Variants in SH3KBP1 observed in about 807,000 individuals in gnomAD.
SH3KBP1 encodes SH3 domain-containing kinase-binding protein 1.
A neutral mutation model predicts 50.1 loss-of-function variants in SH3KBP1; 8 were observed. The observed-to-expected ratio is 0.16, with a 90% CI of 0.09 to 0.29. SH3KBP1 has a LOEUF of 0.29. Among genes scored for constraint, SH3KBP1 ranks in the 10% least tolerant of loss-of-function variants. The probability of loss-of-function intolerance (pLI) is 1.00; values close to 1 mark genes in which losing one functional copy is unlikely to be tolerated. For synonymous variants in SH3KBP1, 227 were observed against 218.6 expected (o/e 1.04, Z -0.34); for missense variants, 377 against 535.2 (o/e 0.70, Z 2.92).
chrX:19,830,264 G>C (rs746210958), intron 2 of SH3KBP1, among the ~76,000 whole-genome samples: 9 of 108,798 alleles, frequency 8.3e-5, no homozygotes, highest in Non-Finnish European at 1.3e-4. Context: ...CTTTTTATAG[G>C]CATGCTGGAA....
chrX:19,780,879 T>C (rs996406522), intron 2 of SH3KBP1, among the ~76,000 whole-genome samples: 58 of 112,291 alleles, frequency 5.2e-4, no homozygotes, highest in Non-Finnish European at 9.2e-4. Flanking sequence ...TATTTACATA[T>C]GCACTTTCTA....
chrX:19,857,500 A>G (rs1392831387), intron 1 of SH3KBP1, among the ~76,000 whole-genome samples: 1 of 110,594 alleles, frequency 9.0e-6, no homozygotes, highest in East Asian at 2.9e-4. Flanking sequence ...AGATGGGTGG[A>G]TCGCTTGAGG....
At chrX:19,574,440 T>C (rs1430144846) in intron 12 of SH3KBP1, among the ~76,000 whole-genome samples, 1 of 112,833 alleles carries the variant, frequency 8.9e-6, no homozygotes, top group African/African-American at 3.2e-5. Context: ...ATATTCTTGA[T>C]ATAGTGTGGA....
chrX:19,731,930 A>T (rs2064391115), intron 3 of SH3KBP1, among the ~76,000 whole-genome samples: 1 of 112,211 alleles, frequency 8.9e-6, no homozygotes, highest in Non-Finnish European at 1.9e-5. Context: ...TTAAGATCAG[A>T]TCACTAAGAT....
chrX:19,813,852 C>A (rs945607573), intron 2 of SH3KBP1, among the ~76,000 whole-genome samples: 3 of 112,195 alleles, frequency 2.7e-5, no homozygotes, highest in African/African-American at 9.7e-5. Context: ...TCTCCAGTGT[C>A]TTGGAGTGGC....
chrX:19,592,865 A>G (rs938581360), intron 10 of SH3KBP1, among the ~76,000 whole-genome samples: 4 of 112,307 alleles, frequency 3.6e-5, no homozygotes, highest in African/African-American at 9.7e-5. Context: ...GGAGCCAGAC[A>G]CGTGAGGGAA....
intron 1 of SH3KBP1, among the ~76,000 whole-genome samples, chrX:19,865,902 G>A (rs984928630): frequency 2.7e-5 from 3 of 111,925 alleles, no homozygotes; most frequent in Admixed American, 1.9e-4. Flanking sequence ...GCCAGATGAC[G>A]GAGGAGTTTC....
chrX:19,648,711 C>G (rs1488218939), intron 6 of SH3KBP1, among the ~76,000 whole-genome samples: 2 of 110,786 alleles, frequency 1.8e-5, no homozygotes, highest in African/African-American at 6.6e-5. Flanking sequence ...CATTTAGCAA[C>G]CCTTGCCACT....
chrX:19,757,296 TG>T (rs2044803443), intron 2 of SH3KBP1, among the ~76,000 whole-genome samples: 1 of 109,735 alleles, frequency 9.1e-6, no homozygotes, highest in Non-Finnish European at 1.9e-5. Context: ...GGCTACAAGA[TG>T]AAAAACTACA....
chrX:19,827,213 T>C (rs2043292394), intron 2 of SH3KBP1, among the ~76,000 whole-genome samples: 3 of 112,237 alleles, frequency 2.7e-5, no homozygotes, highest in South Asian at 7.3e-4. Flanking sequence ...AAGCTGCAAG[T>C]GTACACACTT....
At chrX:19,613,217 A>C (rs193032171) in intron 8 of SH3KBP1, among the ~76,000 whole-genome samples, 32 of 112,439 alleles carry the variant, frequency 2.8e-4, no homozygotes, top group African/African-American at 9.4e-4. Context: ...TGGCCCAAGT[A>C]CTACAATTTG....
At chrX:19,594,914 C>T (rs1260100447) in intron 10 of SH3KBP1, 35 bp downstream of exon 10, 2 of 1,046,292 alleles carry the variant, frequency 1.9e-6, no homozygotes, top group South Asian at 1.9e-5. Flanking sequence ...AAGAAAGACG[C>T]ATATTTTATT....
At chrX:19,553,621 A>G (rs922243662) in intron 13 of SH3KBP1, among the ~76,000 whole-genome samples, 11 of 107,388 alleles carry the variant, frequency 1.0e-4, no homozygotes, top group African/African-American at 3.7e-4. Context: ...TTCGAGGCTG[A>G]AGAAGCATTC....
chrX:19,693,260 G>A (rs982595105), intron 5 of SH3KBP1, among the ~76,000 whole-genome samples: 7 of 111,360 alleles, frequency 6.3e-5, no homozygotes, highest in African/African-American at 2.0e-4. Flanking sequence ...TCTGTATATC[G>A]TCAGTGCCTT....
rs1375700386 is a variant in SH3KBP1, at chrX:19,692,687, ATAT to A, written c.520+2922_520+2924del. Among the ~76,000 whole-genome samples the A allele has an allele frequency of 1.8e-4, 16 of 86,972 alleles. 1 individual carries two copies. Among genetic ancestry groups the A allele is most frequent in the African/African-American group, 7.2e-4 (14 of 19,404 alleles). The allele number at this position is 86,972 out of a possible 115,157, so 75.5% of individuals were successfully genotyped here. ...TGTGTGTGTATGTATATATATATATATATTTTTTTTTTTTTTTAATAGTCTCTT... is the reference window on the plus strand; with the variant it reads ...TGTGTGTGTATGTATATATATATATATTTTTTTTTTTTTTAATAGTCTCTT... On this transcript the variant is annotated intron_variant, in intron 5 of 17. Coordinates refer to ENST00000397821, the MANE Select transcript of SH3KBP1 (RefSeq NM_031892.3).
intron 4 of SH3KBP1, among the ~76,000 whole-genome samples, chrX:19,706,052 C>T (rs1198511554): frequency 2.7e-5 from 3 of 111,572 alleles, no homozygotes; most frequent in African/African-American, 9.8e-5. Flanking sequence ...CTAGCATCAC[C>T]CCTGCCACTT....
chrX:19,831,665 C>A (rs747470152), intron 2 of SH3KBP1, among the ~76,000 whole-genome samples: 1 of 106,988 alleles, frequency 9.3e-6, no homozygotes, highest in African/African-American at 3.4e-5. Flanking sequence ...GTGGCACATG[C>A]CTGTAATCAC....
At chrX:19,798,419 T>C (rs1364557063) in intron 2 of SH3KBP1, among the ~76,000 whole-genome samples, 1 of 110,813 alleles carries the variant, frequency 9.0e-6, no homozygotes, top group Non-Finnish European at 1.9e-5. Context: ...TCTCCCTCCC[T>C]CTGGCTGAAT....
At chrX:19,827,566 C>G (rs1213423634) in intron 2 of SH3KBP1, among the ~76,000 whole-genome samples, 1 of 111,067 alleles carries the variant, frequency 9.0e-6, no homozygotes, top group African/African-American at 3.3e-5. Flanking sequence ...CTGTGGGTCC[C>G]TTCCAGGAGA....
Sources: allele counts gnomAD v4.1 joint callset (sites outside exome capture counted in the v4.1 genomes callset), GRCh38; gene constraint gnomAD v4.1.1; transcripts MANE v1.5; gene names NCBI Gene and HGNC (gene_info 2026-07-23, HGNC 2026-07-21).